TRMT1L: variants seen among roughly 807,000 people sequenced by gnomAD.
TRMT1L encodes tRNA methyltransferase 1L.
A neutral mutation model predicts 81.6 loss-of-function variants in TRMT1L; 28 were observed. The ratio of observed to expected loss-of-function variants is 0.34; its 90% CI spans 0.25 to 0.47. The LOEUF is 0.47. TRMT1L is among the 20% of genes least tolerant of loss of function. The pLI is 1.00. For synonymous variants in TRMT1L, 301 were observed against 303.2 expected (o/e 0.99, Z 0.07); for missense variants, 739 against 877.1 (o/e 0.84, Z 1.99).
rs1190254848 is a variant in TRMT1L, at chr1:185,118,709, T to C, written c.*1310A>G. 2.6e-5 allele frequency: 4 copies of C among 152,146 alleles called. No individual in the cohort carries two copies. Among genetic ancestry groups the C allele is most frequent in the Non-Finnish European group, 5.9e-5 (4 of 68,010 alleles). The allele number at this position is 152,146 out of a possible 1,614,324, so 9.4% of individuals were successfully genotyped here. A position where few individuals can be genotyped will look rare whatever the true frequency, so the allele number is the denominator to read the frequency against. On this transcript the variant is annotated 3_prime_UTR_variant, in exon 15 of 15. Coordinates refer to ENST00000367506, the MANE Select transcript of TRMT1L (RefSeq NM_030934.5). Reference sequence around the variant, plus strand: ...TAATTGGAGAAAGGAAAATAAACTCTCTTGGGAATACGCTGTACTAGCACG... The same window carrying C: ...TAATTGGAGAAAGGAAAATAAACTCCCTTGGGAATACGCTGTACTAGCACG...
chr1:185,145,202 T>C (rs1653156785), intron 5 of TRMT1L, among the ~76,000 whole-genome samples: 1 of 151,940 alleles, frequency 6.6e-6, no homozygotes, highest in Non-Finnish European at 1.5e-5. Context: ...AAAATACCTG[T>C]AGTCACTTGA....
chr1:185,128,627 A>C, intron 11 of TRMT1L, 42 bp downstream of exon 11: 1 of 1,547,832 alleles, frequency 6.5e-7, no homozygotes, highest in Non-Finnish European at 8.9e-7. Context: ...TAAATCAATC[A>C]ATACATCAAA....
At position 185,150,450 on chromosome 1, in the gene TRMT1L, C is replaced by T. The variant is rs1653310875; in HGVS notation, c.389G>A (p.Arg130Lys). The T allele has an allele frequency of 6.2e-7, 1 of 1,613,474 alleles. No individual in the cohort carries two copies. The highest frequency in any genetic ancestry group is 8.5e-7 in the Non-Finnish European group (1 of 1,179,838). The change falls in exon 3 of 15, where the codon AGA (arginine) becomes AAA (lysine). Residue 130 changes from arginine to lysine, a missense_variant. Around this residue, in one of 4 missense-constraint regions of TRMT1L, gnomAD observed 209 missense variants for 165.4 expected, o/e 1.26. Coordinates refer to ENST00000367506, the MANE Select transcript of TRMT1L (RefSeq NM_030934.5). ...ACPLCPKEKF[R>K]ACNSHKLRRH... ...ACGAAGCTTATGGCTATTACAAGCT[C>T]TGAATTTTTCCTTAGGGCACAATGG...
intron 7 of TRMT1L, among the ~76,000 whole-genome samples, chr1:185,142,673 A>T (rs1320876480): frequency 6.6e-6 from 1 of 151,550 alleles, no homozygotes; most frequent in Non-Finnish European, 1.5e-5. Flanking sequence ...AAAAAATTGT[A>T]TCTGAATCTA....
chr1:185,132,801 ACT>A (rs1252513836), intron 10 of TRMT1L, among the ~76,000 whole-genome samples: 1 of 152,226 alleles, frequency 6.6e-6, no homozygotes, highest in Non-Finnish European at 1.5e-5. Flanking sequence ...AGAATTTGGT[ACT>A]TAGCCATGCA....
At chr1:185,139,267 T>C (rs1224667454) in intron 9 of TRMT1L, 100 bp downstream of exon 9, 1 of 922,224 alleles carries the variant, frequency 1.1e-6, no homozygotes, top group African/African-American at 1.7e-5. Flanking sequence ...ACAGAATTTA[T>C]ATTTTGTGCA....
upstream of TRMT1L, chr1:185,157,155 C>T (rs1354665090): frequency 6.0e-6 from 1 of 167,632 alleles, no homozygotes; most frequent in Non-Finnish European, 1.3e-5. Context: ...TAAGCGAGCG[C>T]TGTGGGGCGG....
chr1:185,121,057 G>T (rs1329168222), intron 13 of TRMT1L, among the ~76,000 whole-genome samples: 5 of 152,062 alleles, frequency 3.3e-5, no homozygotes, highest in Non-Finnish European at 5.9e-5. Flanking sequence ...CTGACATAAG[G>T]TCAATGTTAT....
intron 3 of TRMT1L, among the ~76,000 whole-genome samples, chr1:185,148,212 C>G (rs1653239199): frequency 6.6e-6 from 1 of 152,044 alleles, no homozygotes; most frequent in Admixed American, 6.6e-5. Context: ...ATCTTTAGCC[C>G]CACATTCTTC....
chr1:185,145,371 G>C, intron 5 of TRMT1L, 68 bp downstream of exon 5: 1 of 1,484,034 alleles, frequency 6.7e-7, no homozygotes, highest in South Asian at 1.2e-5. Context: ...CCTGATGTCT[G>C]AAAATAATAA....
In TRMT1L at chr1:185,119,081, G is replaced by A. The variant is rs1294315020; in HGVS notation, c.*938C>T. 6.6e-6 allele frequency: 1 copy of A among 151,276 alleles called. No homozygotes were observed. Among genetic ancestry groups the A allele is most frequent in the African/African-American group, 2.4e-5 (1 of 41,126 alleles). 9.4% of individuals were successfully genotyped at this position (151,276 alleles called of 1,614,324 possible). On this transcript the variant is annotated 3_prime_UTR_variant, in exon 15 of 15. Coordinates refer to ENST00000367506, the MANE Select transcript of TRMT1L (RefSeq NM_030934.5). ...TCAACTAATTTTTATAGTTACATCA[G>A]CCTGGGCTAATTATACAGAAAATTT...
At chr1:185,134,367 C>A in intron 10 of TRMT1L, among the ~76,000 whole-genome samples, 1 of 151,960 alleles carries the variant, frequency 6.6e-6, no homozygotes, top group East Asian at 1.9e-4. Context: ...AATTTTTGTA[C>A]TTTTAGTAGA....
At chr1:185,124,856 T>C in intron 12 of TRMT1L, 88 bp downstream of exon 12, 1 of 1,249,726 alleles carries the variant, frequency 8.0e-7, no homozygotes, top group Non-Finnish European at 1.1e-6. Context: ...ATTATATTGG[T>C]TTTATTATAA....
intron 7 of TRMT1L, among the ~76,000 whole-genome samples, chr1:185,142,861 G>T (rs1229033199): frequency 2.0e-5 from 3 of 152,062 alleles, no homozygotes; most frequent in African/African-American, 4.8e-5. Flanking sequence ...ATTTAAAAGA[G>T]ACTTAGACAT....
At chr1:185,122,682 ATTTTTT>A (rs374716894) in intron 13 of TRMT1L, among the ~76,000 whole-genome samples, 1 of 118,864 alleles carries the variant, frequency 8.4e-6, no homozygotes, top group African/African-American at 3.3e-5. Flanking sequence ...CTTAAATCTA[ATTTTTT>A]TTTTTTTTTT....
upstream of TRMT1L, chr1:185,157,175 A>C (rs1274810831): frequency 2.5e-5 from 4 of 162,034 alleles, no homozygotes; most frequent in African/African-American, 9.6e-5. Context: ...GTGAGTAGGT[A>C]GTGCGGATGC....
intron 10 of TRMT1L, 113 bp from the exon 11 acceptor site, chr1:185,128,860 G>T: frequency 1.1e-6 from 1 of 899,148 alleles, no homozygotes; most frequent in Non-Finnish European, 1.7e-6. Flanking sequence ...TCTACTATGT[G>T]CCAGGTATTA....
chr1:185,145,255 T>C (rs956017794), intron 5 of TRMT1L, among the ~76,000 whole-genome samples, 184 bp downstream of exon 5: 1 of 151,872 alleles, frequency 6.6e-6, no homozygotes, highest in African/African-American at 2.4e-5. Context: ...AATATATACA[T>C]TGAGAATGTT....
chr1:185,146,395 T>C lies in TRMT1L; in HGVS notation c.525+787A>G, dbSNP rs1653189536. 2.6e-5 allele frequency among the ~76,000 whole-genome samples: 4 copies of C among 152,012 alleles called. No individual in the cohort carries two copies. The South Asian group carries it at 8.3e-4, about 31-fold the overall frequency. ...ATGGCTCTTTCCTAGTTTTGATGCC[T>C]TTTACTCTTAGTGCTGCTACCTCCT... On this transcript the variant is annotated intron_variant, in intron 4 of 14. Coordinates refer to ENST00000367506, the MANE Select transcript of TRMT1L (RefSeq NM_030934.5).
Sources: allele counts gnomAD v4.1 joint callset (sites outside exome capture counted in the v4.1 genomes callset), GRCh38; gene constraint gnomAD v4.1.1; regional missense constraint gnomAD v4.1.1; transcripts MANE v1.5; gene names NCBI Gene and HGNC (gene_info 2026-07-23, HGNC 2026-07-21).